The following ALPK1 variants were observed in gnomAD, a reference collection of about 807,000 sequenced individuals.
ALPK1 encodes the protein alpha-protein kinase 1.
A neutral mutation model predicts 120.6 loss-of-function variants in ALPK1; 110 were observed. That is an observed-to-expected ratio of 0.91 (90% CI 0.78 to 1.07). ALPK1 has a LOEUF of 1.07. Ranked by LOEUF, ALPK1 falls within the 50% of genes least tolerant of loss-of-function variation. The pLI, the probability that ALPK1 is intolerant of heterozygous loss-of-function variation, is 0.00. For synonymous variants in ALPK1, 582 were observed against 560.3 expected, an observed-to-expected ratio of 1.04 and a Z score of -0.55; for missense variants, 1,498 against 1,483.9, an observed-to-expected ratio of 1.01 and a Z score of -0.16.
chr4:112,410,228 C>G (rs1342182107), intron 4 of ALPK1, among the ~76,000 whole-genome samples: 1 of 152,034 alleles, frequency 6.6e-6, no homozygotes, highest in Non-Finnish European at 1.5e-5. Flanking sequence ...CTCCCAGCAG[C>G]TCCATCCGGT....
At chr4:112,379,821 T>C (rs1731824821) in intron 3 of ALPK1, among the ~76,000 whole-genome samples, 1 of 152,166 alleles carries the variant, frequency 6.6e-6, no homozygotes, top group South Asian at 2.1e-4. Flanking sequence ...CAGAGATACA[T>C]TTTAAAAACA....
At chr4:112,344,941 C>T (rs1730041174) in intron 2 of ALPK1, among the ~76,000 whole-genome samples, 1 of 152,240 alleles carries the variant, frequency 6.6e-6, no homozygotes, top group Non-Finnish European at 1.5e-5. Context: ...TCTAAGCATT[C>T]AACTCACCAG....
At chr4:112,411,495 G>T (rs968894814) in intron 4 of ALPK1, among the ~76,000 whole-genome samples, 1 of 152,220 alleles carries the variant, frequency 6.6e-6, no homozygotes, top group African/African-American at 2.4e-5. Context: ...AAAATGCTGA[G>T]ATTAGAGGCG....
In ALPK1 at chr4:112,434,013, G is replaced by A. The variant is rs116325507; in HGVS notation, c.3035-1135G>A. ...TGTTTTGCCTGCCACCTTGAAGTCC[G>A]ACTAAAATACAAATCACATTGTTAC... On this transcript the variant is annotated intron_variant, in intron 11 of 15. Transcript: ENST00000650871. 6.3e-3 allele frequency among the ~76,000 whole-genome samples: 955 copies of A among 152,188 alleles called. 20 individuals carry two copies. In the East Asian group the frequency reaches 0.07, roughly 11 times the overall value.
intron 2 of ALPK1, chr4:112,356,297 C>T: frequency 9.5e-7 from 1 of 1,049,252 alleles, no homozygotes. Flanking sequence ...GTGCACCACC[C>T]TGGCCTGGCG....
intron 2 of ALPK1, among the ~76,000 whole-genome samples, chr4:112,329,404 AAACTAC>A (rs1218742347): frequency 6.6e-6 from 1 of 152,230 alleles, no homozygotes; most frequent in African/African-American, 2.4e-5. Context: ...GTCTTTCTAG[AAACTAC>A]AATGTTTGTG....
intron 2 of ALPK1, chr4:112,357,255 T>C: frequency 7.2e-7 from 1 of 1,393,292 alleles, no homozygotes. Context: ...ATCCAGCATC[T>C]GGCAGGACGT....
chr4:112,357,111 C>A, intron 2 of ALPK1: 1 of 1,191,214 alleles, frequency 8.4e-7, no homozygotes, highest in East Asian at 2.3e-5. Flanking sequence ...CTGGAAGGGG[C>A]CATCGATGCT....
intron 2 of ALPK1, among the ~76,000 whole-genome samples, chr4:112,335,400 C>G (rs1729569950): frequency 6.6e-6 from 1 of 152,028 alleles, no homozygotes; most frequent in South Asian, 2.1e-4. Context: ...AGGTTCTTTT[C>G]ATTTTGCAAA....
chr4:112,378,115 A>G (rs1262370153), intron 3 of ALPK1, among the ~76,000 whole-genome samples: 1 of 152,090 alleles, frequency 6.6e-6, no homozygotes, highest in Non-Finnish European at 1.5e-5. Context: ...TGTCAGTTCT[A>G]ATTTTAGGCT....
At chr4:112,432,772 G>A (rs1374583615) in intron 11 of ALPK1, among the ~76,000 whole-genome samples, 191 bp downstream of exon 11, 1 of 152,184 alleles carries the variant, frequency 6.6e-6, no homozygotes, top group East Asian at 1.9e-4. Flanking sequence ...TGGTTGTAAA[G>A]AAGCTTGCTC....
Position 112,430,444 on chromosome 4 carries a change from C to T in ALPK1, c.901-4C>T. On this transcript the variant is annotated splice_region_variant and splice_polypyrimidine_tract_variant and intron_variant, in intron 10 of 15. Transcript: ENST00000650871. ...TCTGATTTGGTATTTGGTATTTTTCCCAGAATATCCGTGGCACGTGTTTAT... is the reference window on the plus strand; with the variant it reads ...TCTGATTTGGTATTTGGTATTTTTCTCAGAATATCCGTGGCACGTGTTTAT... 6.4e-7 allele frequency: 1 copy of T among 1,554,152 alleles called. No individual in the cohort carries two copies. The highest frequency in any genetic ancestry group is 8.7e-7 in the Non-Finnish European group (1 of 1,148,218).
chr4:112,338,787 T>G (rs953165169), intron 2 of ALPK1, among the ~76,000 whole-genome samples: 1 of 152,234 alleles, frequency 6.6e-6, no homozygotes, highest in African/African-American at 2.4e-5. Context: ...GAAGATGGCA[T>G]GACAACTACT....
chr4:112,339,153 G>A (rs778118295), intron 2 of ALPK1, among the ~76,000 whole-genome samples: 7 of 152,206 alleles, frequency 4.6e-5, no homozygotes, highest in Non-Finnish European at 8.8e-5. Context: ...AATGAAAGGT[G>A]TGGGTTAGAC....
chr4:112,364,738 G>A (rs935427269), intron 2 of ALPK1, among the ~76,000 whole-genome samples: 1 of 151,886 alleles, frequency 6.6e-6, no homozygotes, highest in Non-Finnish European at 1.5e-5. Flanking sequence ...CCAAAACCAG[G>A]AAAAGATATC....
At chr4:112,335,425 G>A (rs1365930956) in intron 2 of ALPK1, among the ~76,000 whole-genome samples, 1 of 152,166 alleles carries the variant, frequency 6.6e-6, no homozygotes, top group African/African-American at 2.4e-5. Flanking sequence ...AGATATGAAT[G>A]CCTTTGTGGG....
At position 112,418,265 on chromosome 4, in the gene ALPK1, C is replaced by T. The variant is rs531349360; in HGVS notation, c.476-5679C>T. Among the ~76,000 whole-genome samples, 6 of 152,296 alleles carry T rather than the reference C, an allele frequency of 3.9e-5. No homozygotes were observed. In the South Asian group the frequency reaches 1.2e-3, roughly 32 times the overall value. The stretch of plus-strand genomic sequence containing the variant: ...GCTGGCCAAACTCGCTGGAAACCCA[C>T]CTTCTGAATGTTGGGGGAAGCCATC... On this transcript the variant is annotated intron_variant, in intron 5 of 15. Transcript: ENST00000650871.
At chr4:112,407,278 A>T (rs571004126) in intron 4 of ALPK1, among the ~76,000 whole-genome samples, 141 of 152,254 alleles carry the variant, frequency 9.3e-4, no homozygotes, top group Non-Finnish European at 1.7e-3. Context: ...ATACTGAAAA[A>T]GGTCAAGATG....
intron 5 of ALPK1, 75 bp downstream of exon 5, chr4:112,412,100 T>A (rs1225828380): frequency 6.4e-6 from 10 of 1,569,562 alleles, no homozygotes; most frequent in Non-Finnish European, 8.7e-6. Context: ...CTACTTGACC[T>A]CTGTGGGACA....
Sources: allele counts gnomAD v4.1 joint callset (sites outside exome capture counted in the v4.1 genomes callset), GRCh38; gene constraint gnomAD v4.1.1; transcripts MANE v1.5; gene names NCBI Gene and HGNC (gene_info 2026-07-23, HGNC 2026-07-21).